The following PUDP variants were observed in gnomAD, a reference collection of about 807,000 sequenced individuals.
PUDP encodes pseudouridine 5'-phosphatase.
In PUDP, 8 loss-of-function variants were observed where a neutral mutation model predicts 9.4. The observed-to-expected ratio is 0.85, with a 90% CI of 0.50 to 1.53. The LOEUF is 1.53. PUDP is among the 40% of genes most tolerant of loss of function. The pLI is 0.00. For missense variants in PUDP, 188 were observed against 189.7 expected (o/e 0.99, Z 0.05); for synonymous variants, 99 against 80.7 (o/e 1.23, Z -1.22).
chrX:7,003,893 T>C (rs1029406006), intron 1 of PUDP, among the ~76,000 whole-genome samples: 2 of 111,784 alleles, frequency 1.8e-5, no homozygotes, highest in African/African-American at 6.5e-5. Flanking sequence ...TTTTTATTTT[T>C]TGAGATAGGG....
chrX:6,756,418 TTAATGGGCACAGGGTTGAATGAATGC>T (rs1185929001), intron 3 of PUDP, among the ~76,000 whole-genome samples: 1 of 112,380 alleles, frequency 8.9e-6, no homozygotes, highest in Non-Finnish European at 1.9e-5. Flanking sequence ...TGAATGAATG[TTAATGGGCACAGGGTTGAATGAATGC>T]TAATGGGCAC....
intron 3 of PUDP, among the ~76,000 whole-genome samples, chrX:6,770,482 GTTTGTTTTTTGTT>G (rs759645658): frequency 7.1e-5 from 8 of 112,011 alleles, no homozygotes; most frequent in Admixed American, 9.5e-5. Flanking sequence ...TGGTTTTTTT[GTTTGTTTTTTGTT>G]TTTGTTTTTT....
At chrX:7,032,859 A>G (rs1929809369) in intron 1 of PUDP, among the ~76,000 whole-genome samples, 1 of 112,256 alleles carries the variant, frequency 8.9e-6, no homozygotes. Context: ...TTTTAAAAAA[A>G]CCACAAAAAG....
chrX:6,925,110 T>G (rs112326006), intron 3 of PUDP, among the ~76,000 whole-genome samples: 2,236 of 110,725 alleles, frequency 0.02, 52 homozygotes, highest in African/African-American at 0.071. Flanking sequence ...AAATCAGGAG[T>G]TCAAGAACAG....
chrX:6,772,096 G>A (rs767307444), intron 3 of PUDP, among the ~76,000 whole-genome samples: 18 of 111,882 alleles, frequency 1.6e-4, no homozygotes, highest in African/African-American at 5.2e-4. Flanking sequence ...TTTAAAAAAC[G>A]TTTGGGGCAA....
chrX:6,718,784 A>C (rs1924628995), intron 1 of PUDP, among the ~76,000 whole-genome samples: 1 of 111,867 alleles, frequency 8.9e-6, no homozygotes, highest in African/African-American at 3.2e-5. Flanking sequence ...AAAAACAAAG[A>C]CTTTCTCCCT....
In PUDP at chrX:6,951,279, T is replaced by TA. The variant is rs755026262; in HGVS notation, c.*247+25853dup. ...TATCTATCTATCTATCTATCTAATC[T>TA]ATCTATCCATCCATCCATCCATCCA... On this transcript the variant is annotated intron_variant and NMD_transcript_variant, in intron 3 of 3. Transcript: ENST00000655425. Among the ~76,000 whole-genome samples, 980 of 105,877 alleles carry TA rather than the reference T, an allele frequency of 9.3e-3. 16 individuals are homozygous for TA. The highest frequency in any genetic ancestry group is 0.035 in the African/African-American group (931 of 26,926). The allele number at this position is 105,877 out of a possible 115,157, so 91.9% of individuals were successfully genotyped here. A position where few individuals can be genotyped will look rare whatever the true frequency, so the allele number is the denominator to read the frequency against.
chrX:6,947,024 A>T (rs1928477563), intron 3 of PUDP, among the ~76,000 whole-genome samples: 1 of 104,168 alleles, frequency 9.6e-6, no homozygotes, highest in Non-Finnish European at 2.0e-5. Context: ...TAATTGAGAC[A>T]GGGTCTCACT....
intron 3 of PUDP, among the ~76,000 whole-genome samples, chrX:6,934,400 A>G (rs1416469620): frequency 9.1e-6 from 1 of 109,579 alleles, no homozygotes; most frequent in Non-Finnish European, 1.9e-5. Flanking sequence ...TAAGCGAAGG[A>G]GAAATAAAAT....
chrX:6,836,940 T>C (rs978245019), intron 3 of PUDP, among the ~76,000 whole-genome samples: 4 of 112,025 alleles, frequency 3.6e-5, no homozygotes, highest in African/African-American at 1.3e-4. Context: ...CCATTTGTGA[T>C]AAAAACTGAG....
intron 3 of PUDP, among the ~76,000 whole-genome samples, chrX:6,805,194 T>C (rs1231371901): frequency 9.0e-6 from 1 of 111,332 alleles, no homozygotes; most frequent in African/African-American, 3.3e-5. Context: ...GGCTTGAGCC[T>C]GGGAGGTCGA....
chrX:6,872,208 G>T (rs1335971357), intron 3 of PUDP, among the ~76,000 whole-genome samples: 4 of 111,519 alleles, frequency 3.6e-5, no homozygotes, highest in African/African-American at 1.3e-4. Flanking sequence ...CATACCTGCA[G>T]AGTTGGTTCC....
chrX:7,142,002 C>T (rs1476085737), intron 1 of PUDP, among the ~76,000 whole-genome samples: 1 of 111,985 alleles, frequency 8.9e-6, no homozygotes, highest in Non-Finnish European at 1.9e-5. Flanking sequence ...ATATTTCTGC[C>T]CACTGACAAC....
chrX:7,135,981 C>A (rs1484094811), intron 1 of PUDP, among the ~76,000 whole-genome samples: 1 of 111,585 alleles, frequency 9.0e-6, no homozygotes, highest in African/African-American at 3.3e-5. Flanking sequence ...CACACCTCTC[C>A]AATTGTCACA....
chrX:6,776,361 A>T (rs1454779986), intron 3 of PUDP, among the ~76,000 whole-genome samples: 1 of 109,173 alleles, frequency 9.2e-6, no homozygotes, highest in Non-Finnish European at 1.9e-5. Context: ...GCAAAACCCG[A>T]TCTCCACTAA....
chrX:7,056,591 A>C (rs905528717), intron 3 of PUDP, among the ~76,000 whole-genome samples: 2 of 111,612 alleles, frequency 1.8e-5, no homozygotes, highest in Non-Finnish European at 3.8e-5. Flanking sequence ...AATATTCTTG[A>C]CGCAGCTTGT....
intron 1 of PUDP, among the ~76,000 whole-genome samples, chrX:6,986,113 G>A (rs939365660): frequency 1.8e-5 from 2 of 111,604 alleles, no homozygotes; most frequent in African/African-American, 6.5e-5. Flanking sequence ...AAAAGGGGAG[G>A]CATGAATAAT....
In PUDP at chrX:7,030,253, T is replaced by C. The variant is rs774631356; in HGVS notation, c.204+46967A>G. Among the ~76,000 whole-genome samples the C allele has an allele frequency of 1.1e-4, 12 of 110,716 alleles. No individual in the cohort carries two copies. The Middle Eastern group carries it at 0.019, about 171-fold the overall frequency. On this transcript the variant is annotated intron_variant and NMD_transcript_variant, in intron 1 of 3. Coordinates refer to the PUDP transcript ENST00000655425. ...TAGTATTGATAACCCATGTAAATGTTTGCCATCCAGATGACAAGAATAATG... is the reference window on the plus strand; with the variant it reads ...TAGTATTGATAACCCATGTAAATGTCTGCCATCCAGATGACAAGAATAATG...
intron 3 of PUDP, among the ~76,000 whole-genome samples, chrX:6,923,857 C>A: frequency 9.0e-6 from 1 of 111,512 alleles, no homozygotes; most frequent in Non-Finnish European, 1.9e-5. Context: ...AGGTCATGCA[C>A]CATCTGGTCC....
Sources: gnomAD v4.1 joint callset for allele counts (sites outside exome capture counted in the v4.1 genomes callset) on GRCh38, gnomAD v4.1.1 for gene constraint, MANE v1.5 for transcripts, NCBI Gene and HGNC (gene_info 2026-07-23, HGNC 2026-07-21) for gene names.